GSE1: variants seen among roughly 807,000 people sequenced by gnomAD.
The protein encoded by GSE1 is Gse1 coiled-coil protein.
In GSE1, 32 loss-of-function variants were observed where a neutral mutation model predicts 112.6. The observed-to-expected ratio is 0.28, with a 90% CI of 0.21 to 0.38. The LOEUF (loss-of-function observed/expected upper bound fraction) is 0.38. Among genes scored for constraint, GSE1 ranks in the 10% least tolerant of loss-of-function variants. The pLI, the probability that GSE1 is intolerant of heterozygous loss-of-function variation, is 1.00. For missense variants in GSE1, 2,348 were observed against 1,699.2 expected, an observed-to-expected ratio of 1.38 and a Z score of -6.71; for synonymous variants, 1,115 against 735.6, an observed-to-expected ratio of 1.52 and a Z score of -8.35.
intron 1 of GSE1, among the ~76,000 whole-genome samples, chr16:85,216,361 G>A (rs756822455): frequency 3.4e-4 from 52 of 152,082 alleles, no homozygotes; most frequent in Admixed American, 3.1e-3. Context: ...CTATGATCCC[G>A]GCACTCCAGC....
intron 6 of GSE1, 84 bp from the exon 7 acceptor site, chr16:85,656,259 T>TG: frequency 6.5e-7 from 1 of 1,535,656 alleles, no homozygotes; most frequent in Admixed American, 1.9e-5. Flanking sequence ...GGCTCGTTCC[T>TG]GGTTATGCTT....
intron 2 of GSE1, among the ~76,000 whole-genome samples, chr16:85,394,646 C>G (rs1477350070): frequency 6.6e-6 from 1 of 152,206 alleles, no homozygotes; most frequent in East Asian, 1.9e-4. Flanking sequence ...TGCCAGGAGC[C>G]AGGTGTGTGG....
In GSE1 at chr16:85,426,150, AATGG is replaced by A. The variant is rs567855400; in HGVS notation, c.2464+68512_2464+68515del. ...GGGTAGATGTATGTATGGATGGATG[AATGG>A]ATGGGTGGGTGGGGTGGATGGATGT... is the stretch of plus-strand genomic sequence containing the variant. On this transcript the variant is annotated intron_variant, in intron 2 of 2. Transcript: ENST00000637419. Among the ~76,000 whole-genome samples, 326 of 139,024 alleles carry A rather than the reference AATGG, an allele frequency of 2.3e-3. 1 individual carries two copies. Among genetic ancestry groups the A allele is most frequent in the African/African-American group, 8.4e-3 (314 of 37,390 alleles). 91.2% of individuals were successfully genotyped at this position (139,024 alleles called of 152,430 possible).
intron 2 of GSE1, among the ~76,000 whole-genome samples, chr16:85,474,095 A>T (rs1276998458): frequency 6.6e-6 from 1 of 151,998 alleles, no homozygotes; most frequent in Admixed American, 6.5e-5. Flanking sequence ...CTGCTGCCAC[A>T]TGGAGGATGA....
At chr16:85,349,559 CG>C (rs1476101116) in intron 1 of GSE1, among the ~76,000 whole-genome samples, 1 of 152,016 alleles carries the variant, frequency 6.6e-6, no homozygotes, top group Non-Finnish European at 1.5e-5. Context: ...CTGGCCAGCC[CG>C]GGAGGTGCTC....
chr16:85,310,128 C>G (rs904374423), intron 1 of GSE1, among the ~76,000 whole-genome samples: 8 of 152,208 alleles, frequency 5.3e-5, no homozygotes, highest in African/African-American at 1.7e-4. Flanking sequence ...GCTAGGGGCA[C>G]CACGCAGGCC....
At chr16:85,170,487 C>T (rs1490778771) in exon 1 of GSE1, 5 of 985,534 alleles carry the variant, frequency 5.1e-6, no homozygotes, top group Non-Finnish European at 6.0e-6. Flanking sequence ...CCTCCGAGGA[C>T]AGTGACATCA....
intron 2 of GSE1, 25 bp downstream of exon 2, chr16:85,634,157 GT>G: frequency 7.2e-7 from 1 of 1,395,362 alleles, no homozygotes; most frequent in Non-Finnish European, 9.3e-7. Flanking sequence ...CAGGCTGCGC[GT>G]GGGGGGAGCG....
chr16:85,666,423 C>G, intron 13 of GSE1, 76 bp downstream of exon 13: 1 of 1,463,908 alleles, frequency 6.8e-7, no homozygotes, highest in Non-Finnish European at 9.5e-7. Flanking sequence ...GCCACAGCTG[C>G]TCAGCCGTTC....
chr16:85,487,605 G>A (rs2050882158), intron 2 of GSE1, among the ~76,000 whole-genome samples: 1 of 152,204 alleles, frequency 6.6e-6, no homozygotes. Flanking sequence ...GAGAACGGCA[G>A]AGCCAGGCTC....
At chr16:85,401,782 G>A (rs2048120853) in intron 2 of GSE1, among the ~76,000 whole-genome samples, 2 of 152,336 alleles carry the variant, frequency 1.3e-5, no homozygotes, top group East Asian at 1.9e-4. Context: ...TGCTACTGTG[G>A]GGGAGGGCCG....
intron 1 of GSE1, among the ~76,000 whole-genome samples, chr16:85,632,734 C>T (rs1464436760): frequency 2.6e-5 from 4 of 152,188 alleles, no homozygotes; most frequent in Non-Finnish European, 4.4e-5. Flanking sequence ...TGTTGCCCCC[C>T]GGATCTCTGT....
intron 1 of GSE1, among the ~76,000 whole-genome samples, chr16:85,197,117 A>T (rs8048537): frequency 7.9e-5 from 12 of 151,988 alleles, no homozygotes; most frequent in Non-Finnish European, 1.6e-4. Flanking sequence ...CCTGCATGCC[A>T]GGCACAGAGA....
intron 2 of GSE1, among the ~76,000 whole-genome samples, chr16:85,475,391 A>T (rs1464238898): frequency 6.6e-6 from 1 of 152,218 alleles, no homozygotes; most frequent in African/African-American, 2.4e-5. Flanking sequence ...CTAGGGCGGG[A>T]TGCAGGCAGG....
chr16:85,492,626 G>A (rs145646600), intron 2 of GSE1, among the ~76,000 whole-genome samples: 288 of 152,330 alleles, frequency 1.9e-3, no homozygotes, highest in African/African-American at 6.5e-3. Flanking sequence ...CCACAGCTCC[G>A]AAGTGGCAGA....
intron 1 of GSE1, among the ~76,000 whole-genome samples, chr16:85,205,598 C>G (rs1020028633): frequency 6.6e-6 from 1 of 151,954 alleles, no homozygotes; most frequent in Non-Finnish European, 1.5e-5. Context: ...CACTCATCCC[C>G]CACAGCCCCT....
At chr16:85,645,477 A>G (rs1245508464) in intron 2 of GSE1, among the ~76,000 whole-genome samples, 1 of 152,166 alleles carries the variant, frequency 6.6e-6, no homozygotes, top group Non-Finnish European at 1.5e-5. Context: ...TGCAGGAAGC[A>G]ACGGACTTGC....
At chr16:85,628,153 G>T (rs987630634) in intron 1 of GSE1, among the ~76,000 whole-genome samples, 1 of 152,202 alleles carries the variant, frequency 6.6e-6, no homozygotes, top group Non-Finnish European at 1.5e-5. Flanking sequence ...AGGGAGCTGC[G>T]CCCGGCTGCT....
At chr16:85,399,010 TGTG>T (rs2048030540) in intron 2 of GSE1, among the ~76,000 whole-genome samples, 1 of 152,102 alleles carries the variant, frequency 6.6e-6, no homozygotes, top group Non-Finnish European at 1.5e-5. Flanking sequence ...TGTAAGTACT[TGTG>T]TGTGGTTGGC....
Sources: allele counts gnomAD v4.1 joint callset (sites outside exome capture counted in the v4.1 genomes callset), GRCh38; gene constraint gnomAD v4.1.1; transcripts MANE v1.5; gene names NCBI Gene and HGNC (gene_info 2026-07-23, HGNC 2026-07-21).